Variants in EPB41L3 observed in about 807,000 individuals in gnomAD.
EPB41L3 encodes band 4.1-like protein 3.
Under a neutral mutation model 127.1 loss-of-function variants are expected in EPB41L3, and 57 were observed. The observed-to-expected ratio is 0.45, with a 90% CI of 0.36 to 0.56. The LOEUF is 0.56. Ranked by LOEUF, EPB41L3 falls within the 20% of genes least tolerant of loss-of-function variation. The pLI is 0.00. For missense variants in EPB41L3, 1,273 were observed against 1,372.2 expected (o/e 0.93, Z 1.14); for synonymous variants, 572 against 549.5 (o/e 1.04, Z -0.57).
intron 2 of EPB41L3, among the ~76,000 whole-genome samples, chr18:5,488,394 T>G (rs984274727): frequency 1.3e-5 from 2 of 150,872 alleles, no homozygotes; most frequent in Non-Finnish European, 2.9e-5. Context: ...GAGGGGAACA[T>G]CACACACTGG....
rs773162563 is a variant in EPB41L3, at chr18:5,406,918, G to A, written c.2208C>T (p.Ser736=). 22 of 1,614,022 alleles carry A rather than the reference G, an allele frequency of 1.4e-5. No individual in the cohort carries two copies. The highest frequency in any genetic ancestry group is 6.7e-5 in the Admixed American group (4 of 59,996). Residue 736 remains serine (S), a synonymous_variant, in exon 16 of 23, where the codon AGC becomes AGT. Coordinates refer to ENST00000341928, the MANE Select transcript of EPB41L3 (RefSeq NM_012307.5). The part of the protein sequence containing the change: ...DDLMKHQTNI[S]ELKRTFLETS... ...TTTCTAAGAAGGTTCTTTTCAGCTC[G>A]CTAATGTTGGTTTGATGTTTCATCA...
rs1361545827 is a variant in EPB41L3, at chr18:5,475,648, C to T, written c.381+2593G>A. Among the ~76,000 whole-genome samples, 9 of 152,224 alleles carry T rather than the reference C, an allele frequency of 5.9e-5. No individual in the cohort carries two copies. In the East Asian group the frequency reaches 1.7e-3, roughly 29 times the overall value. The stretch of plus-strand genomic sequence containing the variant: ...TCAAATTGTTACCAAGGCTGACTGC[C>T]CCTCTCGCAAACACATTTCCATTTT... On this transcript the variant is annotated intron_variant, in intron 3 of 22. Transcript: ENST00000341928.
intron 3 of EPB41L3, among the ~76,000 whole-genome samples, chr18:5,450,480 G>C (rs2082144327): frequency 6.6e-6 from 1 of 150,568 alleles, no homozygotes; most frequent in Non-Finnish European, 1.5e-5. Flanking sequence ...GGGGTGAGGG[G>C]AAGAGTGTGA....
At chr18:5,446,462 C>A (rs975621669) in intron 3 of EPB41L3, among the ~76,000 whole-genome samples, 6 of 152,144 alleles carry the variant, frequency 3.9e-5, no homozygotes, top group African/African-American at 1.4e-4. Flanking sequence ...AACAAATAAA[C>A]TAAATGAGTT....
In EPB41L3 at chr18:5,406,949, T is replaced by C. The variant is rs1429648240; in HGVS notation, c.2177A>G (p.Asp726Gly). The change falls in exon 16 of 23, where the codon GAT (aspartate) becomes GGT (glycine). Residue 726 changes from aspartate (D) to glycine (G), a missense_variant. By Grantham distance (94) the Asp-to-Gly change is moderately conservative. This residue lies in a region of EPB41L3 where 765 missense variants were observed against 782.9 expected (regional missense o/e 0.98). Coordinates refer to ENST00000341928, the MANE Select transcript of EPB41L3 (RefSeq NM_012307.5). ...GTTGGTTTGATGTTTCATCAGGTCA[T>C]CTTGAGTTTTTTCTAGCTCCTATAT... ...LKAQELEKTQ[D>G]DLMKHQTNIS... is the part of the protein sequence containing the mutation. 1.9e-6 allele frequency: 3 copies of C among 1,614,200 alleles called. No homozygotes were observed. The Admixed American group carries it at 5.0e-5, about 27-fold the overall frequency.
At chr18:5,396,376 T>A (rs773845261) in intron 18 of EPB41L3, 44 bp from the exon 19 acceptor site, 2 of 1,611,808 alleles carry the variant, frequency 1.2e-6, no homozygotes, top group African/African-American at 1.3e-5. Context: ...ATAGTTTGCA[T>A]GAACACATTG....
chr18:5,568,241 T>A (rs2094232300), intron 3 of EPB41L3, among the ~76,000 whole-genome samples: 1 of 151,958 alleles, frequency 6.6e-6, no homozygotes, highest in Non-Finnish European at 1.5e-5. Flanking sequence ...ATCATTTAAA[T>A]TTAAGATAAA....
chr18:5,517,280 G>T lies in EPB41L3; in HGVS notation c.-12+26633C>A, dbSNP rs1314422367. Among the ~76,000 whole-genome samples the T allele has an allele frequency of 2.0e-5, 3 of 151,950 alleles. No individual in the cohort carries two copies. In the South Asian group the frequency reaches 6.2e-4, roughly 32 times the overall value. ...TAATTCTGATTGTTAGACTGAAAAG[G>T]TCTCCCGCTTACGTTCCTGGAGCCT... is the stretch of plus-strand genomic sequence containing the variant. On this transcript the variant is annotated intron_variant, in intron 1 of 22. Coordinates refer to ENST00000341928, the MANE Select transcript of EPB41L3 (RefSeq NM_012307.5).
chr18:5,591,862 G>A (rs1208391837), intron 3 of EPB41L3, among the ~76,000 whole-genome samples: 1 of 152,272 alleles, frequency 6.6e-6, no homozygotes, highest in Non-Finnish European at 1.5e-5. Flanking sequence ...GATATGTGAT[G>A]TAATCCTTTA....
intron 3 of EPB41L3, among the ~76,000 whole-genome samples, chr18:5,471,895 A>G (rs2086209759): frequency 6.6e-6 from 1 of 152,314 alleles, no homozygotes; most frequent in South Asian, 2.1e-4. Context: ...ACTGGGAGTT[A>G]GCAAAAAGAA....
intron 3 of EPB41L3, among the ~76,000 whole-genome samples, chr18:5,556,147 G>A (rs1002241491): frequency 2.0e-5 from 3 of 152,166 alleles, no homozygotes; most frequent in African/African-American, 7.2e-5. Flanking sequence ...AAATGTTGAT[G>A]GACTGTCATT....
rs536403101 is a variant in EPB41L3 at position 5,420,803 on chromosome 18, A to G, written c.1340-926T>C. On this transcript the variant is annotated intron_variant, in intron 11 of 22. Coordinates refer to ENST00000341928, the MANE Select transcript of EPB41L3 (RefSeq NM_012307.5). ...CTTTTCAAATACACAGTAACTAATC[A>G]CAGACAAAATATCTACATTATTATT... Among the ~76,000 whole-genome samples, 22 of 152,350 alleles carry G rather than the reference A, an allele frequency of 1.4e-4. 1 individual carries two copies. In the South Asian group the frequency reaches 1.7e-3, roughly 11 times the overall value.
chr18:5,422,824 T>C (rs1256159077), intron 11 of EPB41L3, among the ~76,000 whole-genome samples: 1 of 152,200 alleles, frequency 6.6e-6, no homozygotes, highest in Non-Finnish European at 1.5e-5. Context: ...CTAGCACTGT[T>C]CTCCCAGTCC....
chr18:5,394,533 C>A, intron 22 of EPB41L3, 144 bp downstream of exon 22: 2 of 624,884 alleles, frequency 3.2e-6, no homozygotes, highest in Middle Eastern at 4.5e-4. Flanking sequence ...ACCCATAAAC[C>A]AATTCTCCAT....
chr18:5,488,483 C>T (rs1465263817), intron 2 of EPB41L3, among the ~76,000 whole-genome samples: 1 of 151,814 alleles, frequency 6.6e-6, no homozygotes, highest in Non-Finnish European at 1.5e-5. Flanking sequence ...TTGATGGGTG[C>T]AGCAAACCAC....
intron 5 of EPB41L3, among the ~76,000 whole-genome samples, chr18:5,441,685 C>T (rs918855787): frequency 3.3e-5 from 5 of 152,116 alleles, no homozygotes; most frequent in South Asian, 2.1e-4. Flanking sequence ...AGGATGGTCT[C>T]GATCTCCTGA....
At chr18:5,536,699 C>T (rs886489221) in intron 1 of EPB41L3, among the ~76,000 whole-genome samples, 2 of 151,632 alleles carry the variant, frequency 1.3e-5, no homozygotes, top group African/African-American at 4.8e-5. Context: ...ATAATCCCAG[C>T]TACTTGGGAG....
chr18:5,548,673 C>T (rs866170234), upstream of EPB41L3, among the ~76,000 whole-genome samples: 40 of 151,732 alleles, frequency 2.6e-4, no homozygotes, highest in South Asian at 1.0e-3. Flanking sequence ...TACTTTTAAA[C>T]GATAAAATTG....
At chr18:5,476,180 A>T (rs2087180299) in intron 3 of EPB41L3, among the ~76,000 whole-genome samples, 1 of 152,130 alleles carries the variant, frequency 6.6e-6, no homozygotes, top group African/African-American at 2.4e-5. Context: ...AAATTTCTCC[A>T]TCTTCTTCAC....
Sources: allele counts gnomAD v4.1 joint callset (sites outside exome capture counted in the v4.1 genomes callset), GRCh38; gene constraint gnomAD v4.1.1; regional missense constraint gnomAD v4.1.1; transcripts MANE v1.5; gene names NCBI Gene and HGNC (gene_info 2026-07-23, HGNC 2026-07-21).